The following BIN2 variants were observed in gnomAD, a reference collection of about 807,000 sequenced individuals.
The protein encoded by BIN2 is breast cancer associated protein BRAP1.
A neutral mutation model predicts 67.9 loss-of-function variants in BIN2; 43 were observed. That is an observed-to-expected ratio of 0.63 (90% CI 0.50 to 0.82). The LOEUF is 0.82. Among genes scored for constraint, BIN2 ranks in the 40% least tolerant of loss-of-function variants. The pLI is 0.00. For synonymous variants in BIN2, 244 were observed against 246.8 expected (o/e 0.99, Z 0.11); for missense variants, 581 against 671.6 (o/e 0.87, Z 1.49).
At chr12:51,291,080 C>T (rs1008238674) in intron 10 of BIN2, among the ~76,000 whole-genome samples, 1 of 152,072 alleles carries the variant, frequency 6.6e-6, no homozygotes. Flanking sequence ...ACCCAGGAGG[C>T]AGAAGTTGCA....
intron 2 of BIN2, among the ~76,000 whole-genome samples, chr12:51,306,790 C>T (rs183426066): frequency 5.1e-4 from 78 of 152,318 alleles, no homozygotes; most frequent in African/African-American, 1.9e-3. Flanking sequence ...AATTCAGAAA[C>T]ACTCAGCATC....
intron 2 of BIN2, among the ~76,000 whole-genome samples, chr12:51,310,275 CT>C (rs1457197489): frequency 2.0e-5 from 3 of 152,102 alleles, no homozygotes; most frequent in Non-Finnish European, 4.4e-5. Flanking sequence ...AAAATATACA[CT>C]GTAGGAAATT....
At chr12:51,303,466 C>T (rs1592269274) in intron 2 of BIN2, among the ~76,000 whole-genome samples, 1 of 152,156 alleles carries the variant, frequency 6.6e-6, no homozygotes, top group Admixed American at 6.6e-5. Context: ...CTGGCTTGCA[C>T]CCTCCTCTCT....
rs912983508 is a variant in BIN2 at position 51,294,775 on chromosome 12, G to T, written c.761+1021C>A. Among the ~76,000 whole-genome samples, 5 of 152,140 alleles carry T rather than the reference G, an allele frequency of 3.3e-5. No individual in the cohort carries two copies. The South Asian group carries it at 1.0e-3, about 32-fold the overall frequency. On this transcript the variant is annotated intron_variant, in intron 9 of 12. Coordinates refer to ENST00000615107, the MANE Select transcript of BIN2 (RefSeq NM_016293.4). ...TGATAAATACTAAATGTAACATAGC[G>T]GTTACCTTTAGTGGGGTCAGAAAGA...
intron 5 of BIN2, among the ~76,000 whole-genome samples, chr12:51,300,553 A>C (rs1945695744): frequency 6.6e-6 from 1 of 152,208 alleles, no homozygotes; most frequent in African/African-American, 2.4e-5. Context: ...AAGTGCTTTG[A>C]AAGCTCTAAA....
upstream of BIN2, chr12:51,324,243 T>C (rs1324746030): frequency 2.1e-6 from 3 of 1,438,330 alleles, no homozygotes; most frequent in Non-Finnish European, 2.7e-6. Flanking sequence ...TGGCCAGCCC[T>C]GAGGCCCGCC....
chr12:51,301,864 C>T (rs906149856), intron 5 of BIN2, among the ~76,000 whole-genome samples, 156 bp downstream of exon 5: 2 of 152,104 alleles, frequency 1.3e-5, no homozygotes, highest in Non-Finnish European at 2.9e-5. Flanking sequence ...TCTATCCTAA[C>T]CTCTTGTCTA....
Position 51,281,181 on chromosome 12 carries a change from T to G in BIN2, c.*318A>C. On this transcript the variant is annotated 3_prime_UTR_variant, in exon 13 of 13. Transcript: ENST00000615107. ...ATGTCTCTGTATAGGCAAGTGTCTGTGTCTATAGATACTTTTGCTTTTTAT... is the reference window on the plus strand; with the variant it reads ...ATGTCTCTGTATAGGCAAGTGTCTGGGTCTATAGATACTTTTGCTTTTTAT... 1 of 355,810 alleles carries G rather than the reference T, an allele frequency of 2.8e-6. No individual in the cohort carries two copies. The highest frequency in any genetic ancestry group is 5.2e-6 in the Non-Finnish European group (1 of 191,476). The allele number at this position is 355,810 out of a possible 1,614,324, so 22.0% of individuals were successfully genotyped here. A position where few individuals can be genotyped will look rare whatever the true frequency, so the allele number is the denominator to read the frequency against.
chr12:51,323,821 T>C (rs1481771477), intron 1 of BIN2, among the ~76,000 whole-genome samples: 2 of 152,134 alleles, frequency 1.3e-5, no homozygotes, highest in Non-Finnish European at 2.9e-5. Flanking sequence ...CGGGTGGCGG[T>C]CTCCGACCTC....
Position 51,281,474 on chromosome 12 carries a change from C to T in BIN2, c.*25G>A, listed in dbSNP as rs1398668835. 3 of 1,612,172 alleles carry T rather than the reference C, an allele frequency of 1.9e-6. No homozygotes were observed. The highest frequency in any genetic ancestry group is 2.5e-6 in the Non-Finnish European group (3 of 1,178,362). On this transcript the variant is annotated 3_prime_UTR_variant, in exon 13 of 13. Transcript: ENST00000615107. ...AGAGCTTCTCTGGCGAGGTTTGGGG[C>T]AGGAGGAGTCTTGGTAGTTTCTCTT...
intron 1 of BIN2, among the ~76,000 whole-genome samples, chr12:51,315,871 C>A (rs61570206): frequency 0.13 from 19,849 of 152,122 alleles, 1,438 homozygotes; most frequent in East Asian, 0.24. Flanking sequence ...CTCATAGGAC[C>A]CTCACTTATA....
rs1313581361 is a variant in BIN2 at position 51,299,598 on chromosome 12, T to C, written c.516+9A>G. ...GGTTTACCAGTTTTTGTTGTTGTTT[T>C]TGTTTTACCTTGGCAGTCTTGGCCT... is the stretch of plus-strand genomic sequence containing the variant. On this transcript the variant is annotated intron_variant, in intron 6 of 12. Coordinates refer to ENST00000615107, the MANE Select transcript of BIN2 (RefSeq NM_016293.4). 1 of 1,613,266 alleles carries C rather than the reference T, an allele frequency of 6.2e-7. No homozygotes were observed. The highest frequency in any genetic ancestry group is 8.5e-7 in the Non-Finnish European group (1 of 1,179,406).
intron 11 of BIN2, among the ~76,000 whole-genome samples, chr12:51,286,423 G>A (rs1179523235): frequency 1.3e-5 from 2 of 152,132 alleles, no homozygotes; most frequent in Admixed American, 6.6e-5. Context: ...AGACTCAGGC[G>A]GAAGGAGAGT....
intron 2 of BIN2, among the ~76,000 whole-genome samples, chr12:51,305,099 G>A (rs1325238176): frequency 6.6e-6 from 1 of 151,286 alleles, no homozygotes; most frequent in East Asian, 1.9e-4. Flanking sequence ...CACTTTGGGA[G>A]GCCAAGGCAG....
intron 1 of BIN2, 28 bp from the exon 2 acceptor site, chr12:51,313,931 A>G: frequency 6.3e-7 from 1 of 1,587,628 alleles, no homozygotes; most frequent in Non-Finnish European, 8.7e-7. Context: ...AAAGGCCCGT[A>G]AGGTTATAGT....
chr12:51,297,925 G>A (rs897106916), intron 7 of BIN2, among the ~76,000 whole-genome samples: 3 of 152,286 alleles, frequency 2.0e-5, no homozygotes, highest in Admixed American at 2.0e-4. Flanking sequence ...GAATCAAGGA[G>A]GTATACTTTT....
At chr12:51,314,017 C>CGTAT (rs1158038012) in intron 1 of BIN2, 114 bp from the exon 2 acceptor site, 82 of 243,192 alleles carry the variant, frequency 3.4e-4, no homozygotes, top group African/African-American at 1.9e-3. Context: ...AAGGGCTGTA[C>CGTAT]TTATTTATTT....
Position 51,292,165 on chromosome 12 carries a change from T to A in BIN2, c.941A>T (p.Glu314Val). 1.2e-6 allele frequency: 2 copies of A among 1,613,836 alleles called. No individual in the cohort carries two copies. Among genetic ancestry groups the A allele is most frequent in the Non-Finnish European group, 1.7e-6 (2 of 1,179,982 alleles). Residue 314 changes from glutamate (E) to valine (V), a missense_variant, in exon 10 of 13, where the codon GAG becomes GTG. Glu to Val is a moderately radical substitution (Grantham distance 121, BLOSUM62 -2). Coordinates refer to ENST00000615107, the MANE Select transcript of BIN2 (RefSeq NM_016293.4). ...CTCTATTTCCTCCTCTTCTAAGAGC[T>A]CCTTGATCTCAGAATTGTCTTCCCC... ...AQGEDNSEIK[E>V]LLEEEEIEKE...
intron 5 of BIN2, among the ~76,000 whole-genome samples, chr12:51,301,320 G>A (rs943525794): frequency 6.6e-6 from 1 of 152,010 alleles, no homozygotes; most frequent in Non-Finnish European, 1.5e-5. Flanking sequence ...TTTAGAATAG[G>A]TTGAATTCCT....
Sources: allele counts gnomAD v4.1 joint callset (sites outside exome capture counted in the v4.1 genomes callset), GRCh38; gene constraint gnomAD v4.1.1; transcripts MANE v1.5; gene names NCBI Gene and HGNC (gene_info 2026-07-23, HGNC 2026-07-21).